The following MID1 variants were observed in gnomAD, a reference collection of about 807,000 sequenced individuals.
The protein encoded by MID1 is E3 ubiquitin-protein ligase Midline-1.
MID1 carries 7 observed loss-of-function variants against 40.4 expected under a neutral mutation model. That is an observed-to-expected ratio of 0.17 (90% CI 0.10 to 0.33). MID1 has a LOEUF of 0.33. MID1 is among the 10% of genes least tolerant of loss of function. The pLI, the probability that MID1 is intolerant of heterozygous loss-of-function variation, is 1.00. For synonymous variants in MID1, 229 were observed against 221.2 expected, an observed-to-expected ratio of 1.04 and a Z score of -0.31; for missense variants, 367 against 558.5, an observed-to-expected ratio of 0.66 and a Z score of 3.46.
chrX:10,638,329 C>A (rs1366702621), intron 1 of MID1, among the ~76,000 whole-genome samples: 1 of 112,284 alleles, frequency 8.9e-6, no homozygotes, highest in Non-Finnish European at 1.9e-5. Context: ...TTTCCAATGG[C>A]CTTAGCAAAC....
intron 1 of MID1, among the ~76,000 whole-genome samples, chrX:10,716,385 T>C (rs1019063843): frequency 7.1e-5 from 8 of 112,234 alleles, no homozygotes; most frequent in African/African-American, 2.3e-4. Context: ...GCATGAGATC[T>C]ACGTGATGAA....
chrX:10,614,503 C>T (rs771088749), intron 1 of MID1, among the ~76,000 whole-genome samples: 1 of 112,107 alleles, frequency 8.9e-6, no homozygotes, highest in South Asian at 3.7e-4. Flanking sequence ...TGAAATTTCC[C>T]CAATTAAAGA....
intron 1 of MID1, among the ~76,000 whole-genome samples, chrX:10,671,955 T>C (rs2147592981): frequency 8.9e-6 from 1 of 112,071 alleles, no homozygotes; most frequent in South Asian, 3.7e-4. Flanking sequence ...CTGGGCATGG[T>C]GGCTCACACC....
At chrX:10,468,035 A>G (rs1929483512) in intron 7 of MID1, among the ~76,000 whole-genome samples, 1 of 111,558 alleles carries the variant, frequency 9.0e-6, no homozygotes, top group Admixed American at 9.5e-5. Context: ...AACTTCCCCC[A>G]AGACATTTTT....
intron 2 of MID1, among the ~76,000 whole-genome samples, chrX:10,529,990 A>G (rs1932917523): frequency 8.9e-6 from 1 of 111,967 alleles, no homozygotes; most frequent in Admixed American, 9.5e-5. Context: ...TAAACAACAG[A>G]AGTCTTCCAT....
intron 1 of MID1, among the ~76,000 whole-genome samples, chrX:10,736,575 TGGCA>T (rs1340067217): frequency 8.9e-6 from 1 of 112,192 alleles, no homozygotes; most frequent in Non-Finnish European, 1.9e-5. Context: ...CTTGGATACA[TGGCA>T]GGCATTGGAA....
chrX:10,748,712 C>T (rs181058409), intron 1 of MID1, among the ~76,000 whole-genome samples: 2 of 111,749 alleles, frequency 1.8e-5, no homozygotes, highest in East Asian at 2.8e-4. Flanking sequence ...AGCATGTATG[C>T]GATGTCATCC....
chrX:10,651,196 G>A (rs1936312915), intron 1 of MID1, among the ~76,000 whole-genome samples: 2 of 112,035 alleles, frequency 1.8e-5, no homozygotes, highest in South Asian at 7.6e-4. Flanking sequence ...CAGGGGAACA[G>A]AGAATATGTG....
At chrX:10,726,974 A>G (rs933976851) in intron 1 of MID1, among the ~76,000 whole-genome samples, 2 of 112,955 alleles carry the variant, frequency 1.8e-5, no homozygotes, top group Non-Finnish European at 3.7e-5. Context: ...TTCCAAGACT[A>G]CTTTCTTGAT....
chrX:10,523,220 A>G, intron 2 of MID1, 33 bp from the exon 3 acceptor site: 1 of 979,672 alleles, frequency 1.0e-6, no homozygotes, highest in Non-Finnish European at 1.4e-6. Flanking sequence ...GAGGAAAAAT[A>G]TTATTCTGCA....
At chrX:10,829,794 T>C (rs887585554) in intron 1 of MID1, among the ~76,000 whole-genome samples, 1 of 111,800 alleles carries the variant, frequency 8.9e-6, no homozygotes, top group African/African-American at 3.2e-5. Flanking sequence ...TAATTCATAG[T>C]CCCCAATTCT....
chrX:10,606,300 T>C (rs1445469216), intron 1 of MID1, among the ~76,000 whole-genome samples: 1 of 111,187 alleles, frequency 9.0e-6, no homozygotes, highest in African/African-American at 3.3e-5. Context: ...TATATTTATA[T>C]ACCAAATGTA....
At chrX:10,821,189 G>A (rs1042571642) in intron 1 of MID1, among the ~76,000 whole-genome samples, 2 of 111,634 alleles carry the variant, frequency 1.8e-5, no homozygotes, top group Non-Finnish European at 3.8e-5. Context: ...TTCAATAAAT[G>A]ACTCCTGGAA....
chrX:10,550,204 A>G (rs987962738), intron 2 of MID1, among the ~76,000 whole-genome samples: 2 of 112,459 alleles, frequency 1.8e-5, no homozygotes, highest in African/African-American at 6.5e-5. Flanking sequence ...TGTTCTCTGC[A>G]GACTCCCCAC....
chrX:10,585,442 C>T (rs1327107276), intron 1 of MID1, among the ~76,000 whole-genome samples: 1 of 111,802 alleles, frequency 8.9e-6, no homozygotes, highest in African/African-American at 3.3e-5. Context: ...GCTATATGCT[C>T]GGCTAATTGC....
At chrX:10,554,145 T>G (rs1934031748) in intron 2 of MID1, among the ~76,000 whole-genome samples, 1 of 112,086 alleles carries the variant, frequency 8.9e-6, no homozygotes, top group South Asian at 3.7e-4. Flanking sequence ...GCTAGACACT[T>G]GGACCTATAT....
In MID1 at chrX:10,447,112, G is replaced by A. The variant is rs1268267173; in HGVS notation, c.*2256C>T. 1.8e-5 allele frequency: 2 copies of A among 111,595 alleles called. No individual in the cohort carries two copies. Among genetic ancestry groups the A allele is most frequent in the Admixed American group, 9.5e-5 (1 of 10,529 alleles). The allele number at this position is 111,595 out of a possible 1,213,427, so 9.2% of individuals were successfully genotyped here. ...CTGTAAATATGACAACCTGGAACTAGTAACTGCTACTATCCACAATGCTTT... is the reference window on the plus strand; with the variant it reads ...CTGTAAATATGACAACCTGGAACTAATAACTGCTACTATCCACAATGCTTT... On this transcript the variant is annotated 3_prime_UTR_variant, in exon 10 of 10. Transcript: ENST00000317552.
intron 1 of MID1, among the ~76,000 whole-genome samples, chrX:10,736,281 A>G (rs1227120847): frequency 4.5e-5 from 5 of 112,071 alleles, no homozygotes; most frequent in African/African-American, 1.6e-4. Context: ...GTTATCTTTA[A>G]CTACTATTCT....
intron 1 of MID1, among the ~76,000 whole-genome samples, chrX:10,753,828 A>G (rs1381232461): frequency 8.9e-6 from 1 of 112,280 alleles, no homozygotes; most frequent in Non-Finnish European, 1.9e-5. Flanking sequence ...TGCTAAAAGC[A>G]TGTTGAAAAT....
Sources: allele counts gnomAD v4.1 joint callset (sites outside exome capture counted in the v4.1 genomes callset), GRCh38; gene constraint gnomAD v4.1.1; transcripts MANE v1.5; gene names NCBI Gene and HGNC (gene_info 2026-07-23, HGNC 2026-07-21).